Variants in ST18 observed in about 807,000 individuals in gnomAD.
ST18 encodes the protein suppression of tumorigenicity 18 protein.
In ST18, 50 loss-of-function variants were observed where a neutral mutation model predicts 110.0. The ratio of observed to expected loss-of-function variants is 0.45; its 90% confidence interval spans 0.36 to 0.58. The LOEUF is 0.58. Among genes scored for constraint, ST18 ranks in the 20% least tolerant of loss-of-function variants. The probability of loss-of-function intolerance (pLI) is 0.00; values close to 1 mark genes in which losing one functional copy is unlikely to be tolerated. For missense variants in ST18, 1,306 were observed against 1,280.1 expected (o/e 1.02, Z -0.31); for synonymous variants, 461 against 452.4 (o/e 1.02, Z -0.24).
chr8:52,175,141 C>T (rs2066412613), intron 9 of ST18, among the ~76,000 whole-genome samples: 1 of 152,126 alleles, frequency 6.6e-6, no homozygotes, highest in South Asian at 2.1e-4. Context: ...CCACCGTAGG[C>T]ACATTGAGGA....
At chr8:52,116,460 G>A (rs903604628) in intron 24 of ST18, 42 bp from the exon 25 acceptor site, 2 of 1,588,934 alleles carry the variant, frequency 1.3e-6, no homozygotes, top group Non-Finnish European at 1.7e-6. Flanking sequence ...GTGGAGTTTG[G>A]AAGGAGTGTA....
At chr8:52,402,303 T>G (rs1464829832) in intron 2 of ST18, among the ~76,000 whole-genome samples, 2 of 152,142 alleles carry the variant, frequency 1.3e-5, no homozygotes, top group African/African-American at 4.8e-5. Context: ...GCTGTAGAAC[T>G]GGGGTCCTGG....
At chr8:52,185,893 GT>G in intron 8 of ST18, among the ~76,000 whole-genome samples, 1 of 152,210 alleles carries the variant, frequency 6.6e-6, no homozygotes, top group South Asian at 2.1e-4. Flanking sequence ...TTCTCAAGCA[GT>G]TTATAAACAA....
At chr8:52,133,486 C>T (rs2050621404) in intron 19 of ST18, among the ~76,000 whole-genome samples, 185 bp from the exon 20 acceptor site, 1 of 151,976 alleles carries the variant, frequency 6.6e-6, no homozygotes, top group Non-Finnish European at 1.5e-5. Flanking sequence ...CTGTGTGAGA[C>T]TGTTTTTGCT....
chr8:52,394,136 CT>C (rs1388650436), intron 2 of ST18, among the ~76,000 whole-genome samples: 1 of 152,126 alleles, frequency 6.6e-6, no homozygotes, highest in East Asian at 1.9e-4. Flanking sequence ...TCCCATCCCC[CT>C]GTCTTAATGA....
At chr8:52,155,179 G>A (rs1461283560) in intron 15 of ST18, among the ~76,000 whole-genome samples, 1 of 150,174 alleles carries the variant, frequency 6.7e-6, no homozygotes, top group South Asian at 2.1e-4. Flanking sequence ...TCCAGCCTGG[G>A]TGACAGAGTG....
intron 3 of ST18, among the ~76,000 whole-genome samples, chr8:52,227,369 T>C (rs2136698148): frequency 6.6e-6 from 1 of 152,124 alleles, no homozygotes; most frequent in South Asian, 2.1e-4. Context: ...ATGTGGAAGG[T>C]ATTATTACAG....
intron 2 of ST18, among the ~76,000 whole-genome samples, chr8:52,298,653 A>G (rs1016270679): frequency 6.6e-6 from 1 of 152,238 alleles, no homozygotes; most frequent in Non-Finnish European, 1.5e-5. Flanking sequence ...TCAGCTTAGC[A>G]TTCAACTGCA....
chr8:52,240,514 G>A (rs2093294507), intron 2 of ST18, among the ~76,000 whole-genome samples: 2 of 152,042 alleles, frequency 1.3e-5, no homozygotes, highest in Non-Finnish European at 2.9e-5. Context: ...CCTTTCTAAG[G>A]ATGGGTTCTC....
At chr8:52,407,921 G>A (rs186181847) in intron 2 of ST18, 14 of 152,298 alleles carry the variant, frequency 9.2e-5, no homozygotes, top group African/African-American at 3.4e-4. Flanking sequence ...GATTTCCTAT[G>A]TGGTGATGTA....
intron 2 of ST18, among the ~76,000 whole-genome samples, chr8:52,348,099 T>C (rs1400869688): frequency 6.6e-6 from 1 of 152,154 alleles, no homozygotes; most frequent in Non-Finnish European, 1.5e-5. Flanking sequence ...TCACATTTTT[T>C]AAGTGTGGAG....
At chr8:52,359,500 G>A (rs1824726335) in intron 2 of ST18, among the ~76,000 whole-genome samples, 1 of 152,120 alleles carries the variant, frequency 6.6e-6, no homozygotes, top group Non-Finnish European at 1.5e-5. Context: ...TAACTAACGT[G>A]TTGAAAACTT....
At chr8:52,327,872 C>T (rs979319673) in intron 2 of ST18, among the ~76,000 whole-genome samples, 1 of 152,228 alleles carries the variant, frequency 6.6e-6, no homozygotes, top group Non-Finnish European at 1.5e-5. Context: ...AATTCAGGCT[C>T]CTGAAATGCT....
intron 2 of ST18, among the ~76,000 whole-genome samples, chr8:52,380,056 T>C (rs1297274160): frequency 6.6e-6 from 1 of 152,174 alleles, no homozygotes; most frequent in Non-Finnish European, 1.5e-5. Flanking sequence ...CCATAAACCT[T>C]GAGTAACACC....
intron 9 of ST18, among the ~76,000 whole-genome samples, chr8:52,176,715 T>C (rs533127880): frequency 6.6e-6 from 1 of 152,364 alleles, no homozygotes; most frequent in Non-Finnish European, 1.5e-5. Flanking sequence ...TACTAATGAA[T>C]CCCGGCATAG....
chr8:52,123,139 G>A (rs1161208421), intron 23 of ST18, among the ~76,000 whole-genome samples: 1 of 152,202 alleles, frequency 6.6e-6, no homozygotes. Context: ...ATTATGGCAA[G>A]GATGGAGAAC....
chr8:52,359,086 A>G (rs1226480566), intron 2 of ST18, among the ~76,000 whole-genome samples: 1 of 151,780 alleles, frequency 6.6e-6, no homozygotes, highest in East Asian at 1.9e-4. Flanking sequence ...TGAACAATCA[A>G]TCAACTACAT....
chr8:52,197,908 C>T (rs2076705258), intron 8 of ST18, among the ~76,000 whole-genome samples: 1 of 151,658 alleles, frequency 6.6e-6, no homozygotes, highest in Admixed American at 6.6e-5. Flanking sequence ...CACACACACA[C>T]ACACAAATAC....
At chr8:52,185,640 C>T (rs6992634) in intron 8 of ST18, among the ~76,000 whole-genome samples, 31,642 of 151,962 alleles carry the variant, frequency 0.21, 6,818 homozygotes, top group African/African-American at 0.55. Flanking sequence ...CCCACACATA[C>T]ACGGTCAACT....
Sources: allele counts gnomAD v4.1 joint callset (sites outside exome capture counted in the v4.1 genomes callset), GRCh38; gene constraint gnomAD v4.1.1; transcripts MANE v1.5; gene names NCBI Gene and HGNC (gene_info 2026-07-23, HGNC 2026-07-21).